The following ADAM12 variants were observed in gnomAD, a reference collection of about 807,000 sequenced individuals.
The protein encoded by ADAM12 is disintegrin and metalloproteinase domain-containing protein 12.
Under a neutral mutation model 106.4 loss-of-function variants are expected in ADAM12, and 70 were observed. That is an observed-to-expected ratio of 0.66 (90% CI 0.54 to 0.80). The LOEUF is 0.80. ADAM12 is among the 30% of genes least tolerant of loss of function. The pLI is 0.00. For synonymous variants in ADAM12, 420 were observed against 433.5 expected (o/e 0.97, Z 0.39); for missense variants, 1,010 against 1,171.9 (o/e 0.86, Z 2.02).
chr10:126,234,452 A>G (rs556573671), intron 3 of ADAM12, among the ~76,000 whole-genome samples: 23 of 152,362 alleles, frequency 1.5e-4, no homozygotes, highest in African/African-American at 5.5e-4. Context: ...TTAACGCTGC[A>G]TCTAATATCC....
intron 2 of ADAM12, among the ~76,000 whole-genome samples, chr10:126,321,907 G>GGA (rs1168632026): frequency 2.8e-5 from 4 of 141,028 alleles, no homozygotes; most frequent in Non-Finnish European, 4.7e-5. Flanking sequence ...CTGGGGGTCG[G>GGA]GGGGGGGGCT....
intron 18 of ADAM12, 27 bp from the exon 19 acceptor site, chr10:126,039,456 G>A: frequency 6.2e-6 from 10 of 1,613,446 alleles, no homozygotes; most frequent in Non-Finnish European, 8.5e-6. Flanking sequence ...GGGGCTCACA[G>A]AAGGAGGCAG....
chr10:126,181,223 C>A (rs962988887), intron 3 of ADAM12, among the ~76,000 whole-genome samples: 1 of 152,082 alleles, frequency 6.6e-6, no homozygotes, highest in Non-Finnish European at 1.5e-5. Flanking sequence ...AGGCACATAC[C>A]ACCATGCTCA....
At chr10:126,083,899 C>T (rs3781024) in intron 11 of ADAM12, among the ~76,000 whole-genome samples, 2,009 of 152,140 alleles carry the variant, frequency 0.013, 81 homozygotes, top group East Asian at 0.087. Flanking sequence ...TCCATCCTCA[C>T]GTCCACTCCA....
At chr10:126,084,570 T>C (rs1345045063) in intron 11 of ADAM12, among the ~76,000 whole-genome samples, 1 of 152,192 alleles carries the variant, frequency 6.6e-6, no homozygotes, top group Non-Finnish European at 1.5e-5. Context: ...TCTGCTGACT[T>C]AGCAAGCCTG....
At chr10:126,314,378 T>A (rs2133822351) in intron 2 of ADAM12, among the ~76,000 whole-genome samples, 1 of 150,634 alleles carries the variant, frequency 6.6e-6, no homozygotes, top group East Asian at 2.0e-4. Context: ...CCAAAGGGAG[T>A]TTCAATGCAG....
chr10:126,185,656 C>T (rs1470858083), intron 3 of ADAM12, among the ~76,000 whole-genome samples: 1 of 151,598 alleles, frequency 6.6e-6, no homozygotes, highest in Non-Finnish European at 1.5e-5. Context: ...TCTAGGATGG[C>T]AAGAGAGTAA....
intron 3 of ADAM12, among the ~76,000 whole-genome samples, chr10:126,263,448 A>C (rs1395739430): frequency 6.6e-6 from 1 of 150,790 alleles, no homozygotes; most frequent in East Asian, 2.0e-4. Context: ...CTTCTCCCCT[A>C]TATCACACTA....
At chr10:126,205,331 T>TA (rs58602667) in intron 3 of ADAM12, among the ~76,000 whole-genome samples, 46 of 147,930 alleles carry the variant, frequency 3.1e-4, no homozygotes, top group African/African-American at 9.4e-4. Flanking sequence ...AAAGTATGTT[T>TA]AAAAAAAAAA....
At position 126,263,473 on chromosome 10, in the gene ADAM12, T is replaced by C. The variant is rs79087114; in HGVS notation, c.260+15442A>G. Among the ~76,000 whole-genome samples the C allele has an allele frequency of 0.011, 1,259 of 119,062 alleles. 29 individuals are homozygous for C. In the East Asian group the frequency reaches 0.14, roughly 13 times the overall value. The allele number at this position is 119,062 out of a possible 152,430, so 78.1% of individuals were successfully genotyped here. ...ATATCACACTAGATCCTCTTTGCTG[T>C]TTTTTTGTTTGTTTTAAGTAAAGCA... On this transcript the variant is annotated intron_variant, in intron 3 of 22. Coordinates refer to ENST00000448723, the MANE Select transcript of ADAM12 (RefSeq NM_001288973.2).
chr10:126,354,702 C>A (rs979124235), intron 1 of ADAM12, among the ~76,000 whole-genome samples: 1 of 151,942 alleles, frequency 6.6e-6, no homozygotes, highest in Admixed American at 6.6e-5. Context: ...GAAAGCTCCA[C>A]CACATAGACT....
At chr10:126,376,706 T>A (rs1856306650) in intron 1 of ADAM12, among the ~76,000 whole-genome samples, 1 of 152,146 alleles carries the variant, frequency 6.6e-6, no homozygotes, top group East Asian at 1.9e-4. Flanking sequence ...CTCCCCTAAA[T>A]TAGCCTACAA....
chr10:126,056,249 T>C (rs765276664), intron 14 of ADAM12, among the ~76,000 whole-genome samples: 1 of 152,102 alleles, frequency 6.6e-6, no homozygotes, highest in Non-Finnish European at 1.5e-5. Context: ...ACCACTGAAA[T>C]ATGGCCAGGA....
chr10:126,022,305 C>T (rs1194837191), intron 21 of ADAM12, among the ~76,000 whole-genome samples: 7 of 152,182 alleles, frequency 4.6e-5, no homozygotes, highest in Non-Finnish European at 1.0e-4. Context: ...ATGACTGAGA[C>T]GCTGATTGAA....
At chr10:126,112,765 A>C (rs1179792667) in intron 6 of ADAM12, among the ~76,000 whole-genome samples, 1 of 152,164 alleles carries the variant, frequency 6.6e-6, no homozygotes, top group East Asian at 1.9e-4. Context: ...TGCTGTTTGC[A>C]CTAGGCCCTG....
chr10:126,301,625 A>G (rs1220034740), intron 2 of ADAM12, among the ~76,000 whole-genome samples: 1 of 152,110 alleles, frequency 6.6e-6, no homozygotes, highest in Non-Finnish European at 1.5e-5. Flanking sequence ...TTTTTGGAGA[A>G]GCAGGTTGTA....
chr10:126,378,632 A>G (rs1240041381), intron 1 of ADAM12, among the ~76,000 whole-genome samples: 2 of 152,196 alleles, frequency 1.3e-5, no homozygotes, highest in African/African-American at 4.8e-5. Context: ...CTGCAAAAGG[A>G]AGACTGAGAT....
At chr10:126,321,913 G>GT (rs201375279) in intron 2 of ADAM12, among the ~76,000 whole-genome samples, 3 of 138,084 alleles carry the variant, frequency 2.2e-5, no homozygotes, top group Admixed American at 1.5e-4. Context: ...GTCGGGGGGG[G>GT]GGCTTCAGCA....
intron 5 of ADAM12, among the ~76,000 whole-genome samples, chr10:126,129,657 A>G: frequency 6.6e-6 from 1 of 152,230 alleles, no homozygotes; most frequent in East Asian, 1.9e-4. Flanking sequence ...AACCGTATTA[A>G]CTGGGAGTTG....
Sources: allele counts gnomAD v4.1 joint callset (sites outside exome capture counted in the v4.1 genomes callset), GRCh38; gene constraint gnomAD v4.1.1; transcripts MANE v1.5; gene names NCBI Gene and HGNC (gene_info 2026-07-23, HGNC 2026-07-21).